Variants in SLC17A8 observed in about 807,000 individuals in gnomAD.
SLC17A8 encodes the protein solute carrier family 17 member 8.
In SLC17A8, 31 loss-of-function variants were observed where a neutral mutation model predicts 58.0. That is an observed-to-expected ratio of 0.53 (90% CI 0.40 to 0.72). The LOEUF (loss-of-function observed/expected upper bound fraction) is 0.72. SLC17A8 is among the 30% of genes least tolerant of loss of function. The probability of loss-of-function intolerance (pLI) is 0.00; values close to 1 mark genes in which losing one functional copy is unlikely to be tolerated. For missense variants in SLC17A8, 655 were observed against 727.8 expected, an observed-to-expected ratio of 0.90 and a Z score of 1.15; for synonymous variants, 228 against 249.0, an observed-to-expected ratio of 0.92 and a Z score of 0.79.
At chr12:100,381,810 T>C (rs1444659862) in intron 2 of SLC17A8, among the ~76,000 whole-genome samples, 2 of 152,238 alleles carry the variant, frequency 1.3e-5, no homozygotes, top group Non-Finnish European at 2.9e-5. Flanking sequence ...ACATATGGGC[T>C]TCTTTAGTAG....
At chr12:100,402,148 C>T (rs1952795492) in intron 6 of SLC17A8, among the ~76,000 whole-genome samples, 192 bp from the exon 7 acceptor site, 2 of 152,060 alleles carry the variant, frequency 1.3e-5, no homozygotes, top group Admixed American at 6.6e-5. Context: ...TGTAAAGATC[C>T]TTTTGTAGTT....
chr12:100,402,089 G>A (rs1408719621), intron 6 of SLC17A8, among the ~76,000 whole-genome samples: 2 of 152,048 alleles, frequency 1.3e-5, no homozygotes, highest in African/African-American at 2.4e-5. Flanking sequence ...CAAGAGGAAC[G>A]TCAACAAAAT....
At chr12:100,388,351 C>A (rs1402413540) in intron 2 of SLC17A8, among the ~76,000 whole-genome samples, 1 of 152,202 alleles carries the variant, frequency 6.6e-6, no homozygotes, top group Non-Finnish European at 1.5e-5. Context: ...TTATCACCTG[C>A]TATCTCCACT....
At chr12:100,408,662 A>G (rs978887707) in intron 9 of SLC17A8, among the ~76,000 whole-genome samples, 2 of 152,104 alleles carry the variant, frequency 1.3e-5, no homozygotes, top group African/African-American at 4.8e-5. Flanking sequence ...TTTTTTTCTT[A>G]CAGATGAACT....
At chr12:100,378,683 T>G (rs1402693549) in intron 1 of SLC17A8, among the ~76,000 whole-genome samples, 1 of 152,030 alleles carries the variant, frequency 6.6e-6, no homozygotes, top group Non-Finnish European at 1.5e-5. Context: ...AGATCTAGTG[T>G]CCAGGGAAAG....
intron 1 of SLC17A8, among the ~76,000 whole-genome samples, chr12:100,370,612 TAAAAAAAAAAAA>T (rs61103377): frequency 7.9e-6 from 1 of 127,180 alleles, no homozygotes; most frequent in African/African-American, 2.8e-5. Context: ...ATCTAAATTC[TAAAAAAAAAAAA>T]AAAAAAAAAA....
At chr12:100,369,988 A>G (rs915947528) in intron 1 of SLC17A8, among the ~76,000 whole-genome samples, 2 of 152,264 alleles carry the variant, frequency 1.3e-5, no homozygotes, top group African/African-American at 4.8e-5. Flanking sequence ...TAGCCATGAC[A>G]GAGTGAGAGC....
intron 1 of SLC17A8, among the ~76,000 whole-genome samples, chr12:100,360,167 G>A (rs751176332): frequency 1.3e-5 from 2 of 152,128 alleles, no homozygotes; most frequent in Non-Finnish European, 2.9e-5. Flanking sequence ...TCAGCTAAAG[G>A]TAAAATAATA....
chr12:100,383,879 A>G (rs556737051), intron 2 of SLC17A8, among the ~76,000 whole-genome samples: 2 of 151,780 alleles, frequency 1.3e-5, no homozygotes, highest in East Asian at 3.9e-4. Flanking sequence ...ATTAAAAAAA[A>G]TTTTTTTTAG....
At chr12:100,368,420 A>G (rs1952535144) in intron 1 of SLC17A8, among the ~76,000 whole-genome samples, 1 of 152,214 alleles carries the variant, frequency 6.6e-6, no homozygotes, top group Non-Finnish European at 1.5e-5. Flanking sequence ...TTATGACCTC[A>G]TGTTAACTTG....
intron 5 of SLC17A8, 90 bp downstream of exon 5, chr12:100,396,507 G>T: frequency 1.0e-6 from 1 of 975,490 alleles, no homozygotes; most frequent in Non-Finnish European, 1.6e-6. Flanking sequence ...CAGCACTTTA[G>T]GGAGGCCGAG....
At chr12:100,371,775 C>T (rs1028284730) in intron 1 of SLC17A8, among the ~76,000 whole-genome samples, 12 of 152,272 alleles carry the variant, frequency 7.9e-5, no homozygotes, top group Non-Finnish European at 1.3e-4. Context: ...GTCTTGAACT[C>T]TGAGCTCAGG....
chr12:100,368,688 C>G (rs1695515971), intron 1 of SLC17A8, among the ~76,000 whole-genome samples: 1 of 152,122 alleles, frequency 6.6e-6, no homozygotes. Context: ...TTTCTTAGCT[C>G]AAAAGTGTAT....
chr12:100,396,705 G>T (rs1378838021), intron 5 of SLC17A8, among the ~76,000 whole-genome samples: 9 of 152,012 alleles, frequency 5.9e-5, no homozygotes, highest in Non-Finnish European at 1.3e-4. Context: ...AGCTATGATG[G>T]CCACAGCACT....
intron 9 of SLC17A8, among the ~76,000 whole-genome samples, chr12:100,406,142 C>T (rs1246438538): frequency 6.6e-6 from 1 of 152,172 alleles, no homozygotes; most frequent in Non-Finnish European, 1.5e-5. Context: ...CCTGTGAGTT[C>T]TCACCTTCAC....
rs183377270 is a variant in SLC17A8, at chr12:100,385,102, C to G, written c.354+4149C>G. Among the ~76,000 whole-genome samples, 9 of 148,818 alleles carry G rather than the reference C, an allele frequency of 6.0e-5. 1 individual carries two copies. In the Admixed American group the frequency reaches 6.1e-4, roughly 10 times the overall value. On this transcript the variant is annotated intron_variant, in intron 2 of 11. Coordinates refer to ENST00000323346, the MANE Select transcript of SLC17A8 (RefSeq NM_139319.3). ...AATCTCTGTGGGTTTGGGTTGCTGT[C>G]TCTCTCTCTCTCTCTGTGTGTGTGT...
intron 1 of SLC17A8, among the ~76,000 whole-genome samples, chr12:100,358,158 A>C (rs1409836433): frequency 1.3e-5 from 2 of 152,212 alleles, no homozygotes; most frequent in East Asian, 3.8e-4. Context: ...TAAATGATTG[A>C]ATTAATGTGA....
At chr12:100,393,005 G>T (rs1214193536) in intron 3 of SLC17A8, among the ~76,000 whole-genome samples, 1 of 152,194 alleles carries the variant, frequency 6.6e-6, no homozygotes, top group Non-Finnish European at 1.5e-5. Flanking sequence ...CCAAAAATTT[G>T]TTCATAGTTG....
intron 10 of SLC17A8, 136 bp from the exon 11 acceptor site, chr12:100,417,893 C>T: frequency 9.7e-7 from 1 of 1,027,166 alleles, no homozygotes; most frequent in Admixed American, 1.8e-5. Context: ...TGAACCCAGT[C>T]CTCTTGGTCT....
Sources: allele counts gnomAD v4.1 joint callset (sites outside exome capture counted in the v4.1 genomes callset), GRCh38; gene constraint gnomAD v4.1.1; transcripts MANE v1.5; gene names NCBI Gene and HGNC (gene_info 2026-07-23, HGNC 2026-07-21).